TSPAN4: variants seen among roughly 807,000 people sequenced by gnomAD.
TSPAN4 encodes tetraspanin-4.
TSPAN4 carries 38 observed loss-of-function variants against 31.5 expected under a neutral mutation model. The ratio of observed to expected loss-of-function variants is 1.21; its 90% CI spans 0.93 to 1.58. The LOEUF (loss-of-function observed/expected upper bound fraction) is 1.58, where lower values mean the gene tolerates loss of function less well. TSPAN4 is among the 40% of genes most tolerant of loss of function. The pLI, the probability that TSPAN4 is intolerant of heterozygous loss-of-function variation, is 0.00. For synonymous variants in TSPAN4, 186 were observed against 144.6 expected (o/e 1.29, Z -2.06); for missense variants, 330 against 317.3 (o/e 1.04, Z -0.30).
chr11:852,884 G>A (rs1235450882), intron 3 of TSPAN4, among the ~76,000 whole-genome samples: 8 of 102,966 alleles, frequency 7.8e-5, no homozygotes, highest in South Asian at 3.1e-4. Flanking sequence ...CAAGATCCCC[G>A]CGTGTGTCTG....
rs527503242 is a variant in TSPAN4 at position 860,447 on chromosome 11, T to C, written c.64-2103T>C. On this transcript the variant is annotated intron_variant, in intron 3 of 8. Transcript: ENST00000397397. ...AGCCTGGCGCTGGCTGATGCACTGC[T>C]CAGGGAGGGGCAGGTGAGCGTGCAC... 5.9e-5 allele frequency among the ~76,000 whole-genome samples: 9 copies of C among 152,244 alleles called. No homozygotes were observed. The South Asian group carries it at 1.5e-3, about 25-fold the overall frequency.
intron 8 of TSPAN4, 71 bp from the exon 9 acceptor site, chr11:866,491 C>T (rs539386196): frequency 1.8e-4 from 261 of 1,471,094 alleles, no homozygotes; most frequent in Non-Finnish European, 2.4e-4. Context: ...CTGCTGAGGA[C>T]AGGGACTGCT....
intron 2 of TSPAN4, 56 bp from the exon 3 acceptor site, chr11:850,232 C>A: frequency 6.9e-7 from 1 of 1,445,778 alleles, no homozygotes; most frequent in Non-Finnish European, 9.5e-7. Context: ...ACACGTCGCC[C>A]AAGGGCAACA....
At chr11:862,514 C>T (rs1343940482) in intron 3 of TSPAN4, 36 bp from the exon 4 acceptor site, 14 of 1,562,284 alleles carry the variant, frequency 9.0e-6, no homozygotes, top group Non-Finnish European at 9.5e-6. Context: ...ATTGGGGCCT[C>T]ACCCTGTCTG....
In TSPAN4 at chr11:850,917, C is replaced by A. The variant is rs528694897; in HGVS notation, c.63+550C>A. Among the ~76,000 whole-genome samples, 15 of 152,378 alleles carry A rather than the reference C, an allele frequency of 9.8e-5. 1 individual carries two copies. In the South Asian group the frequency reaches 3.1e-3, roughly 32 times the overall value. On this transcript the variant is annotated intron_variant, in intron 3 of 8. Transcript: ENST00000397397. Reference sequence around the variant, plus strand: ...CCGGGAGGCGCTGCGGAAGGGAATCCTGGACACTGAGCAGGGCCGTGGGCC... The same window carrying A: ...CCGGGAGGCGCTGCGGAAGGGAATCATGGACACTGAGCAGGGCCGTGGGCC...
intron 2 of TSPAN4, 114 bp from the exon 3 acceptor site, chr11:850,174 T>C (rs1847585006): frequency 5.8e-6 from 5 of 859,244 alleles, no homozygotes; most frequent in Non-Finnish European, 8.7e-6. Flanking sequence ...GGGGGCTCCT[T>C]CTTCGGCCTG....
At chr11:858,878 C>A (rs1277710559) in intron 3 of TSPAN4, among the ~76,000 whole-genome samples, 7 of 141,900 alleles carry the variant, frequency 4.9e-5, no homozygotes, top group Non-Finnish European at 7.7e-5. Context: ...CTCCCATGCA[C>A]CCCTGGGTCA....
chr11:850,890 C>T (rs755656924), intron 3 of TSPAN4, among the ~76,000 whole-genome samples: 1 of 149,360 alleles, frequency 6.7e-6, no homozygotes. Context: ...GTCCCCCAGT[C>T]GCCGGGAGGC....
At chr11:851,361 G>A (rs974201270) in intron 3 of TSPAN4, among the ~76,000 whole-genome samples, 13 of 152,196 alleles carry the variant, frequency 8.5e-5, no homozygotes, top group African/African-American at 3.1e-4. Context: ...GGAGTCGGGG[G>A]TGTGGCCTCA....
At chr11:846,184 T>TGGGCC (rs1847314359) in intron 1 of TSPAN4, among the ~76,000 whole-genome samples, 1 of 152,208 alleles carries the variant, frequency 6.6e-6, no homozygotes, top group Admixed American at 6.5e-5. Context: ...AGGTCTGGGC[T>TGGGCC]GGGCCAGGAC....
rs1847433565 is a variant in TSPAN4 at position 848,332 on chromosome 11, C to T, written c.-18+1032C>T. On this transcript the variant is annotated intron_variant, in intron 2 of 8. Coordinates refer to ENST00000397397, the MANE Select transcript of TSPAN4 (RefSeq NM_003271.5). This position sits in a 1 kb window ranked among gnomAD's most constrained non-coding sequence, Gnocchi z 5.7. The stretch of plus-strand genomic sequence containing the variant: ...AGGACAGGGTAGGGGCCATGGGAAG[C>T]CCCAGGATGGCCTTGTGGGCCTTCA... Among the ~76,000 whole-genome samples, 1 of 152,232 alleles carries T rather than the reference C, an allele frequency of 6.6e-6. No homozygotes were observed. Among genetic ancestry groups the T allele is most frequent in the South Asian group, 2.1e-4 (1 of 4,836 alleles).
chr11:856,940 C>T (rs1294024606), intron 3 of TSPAN4: 1 of 152,266 alleles, frequency 6.6e-6, no homozygotes, highest in East Asian at 1.9e-4. Flanking sequence ...GGTCTGCCAG[C>T]ACGCTGGGGC....
intron 2 of TSPAN4, chr11:849,816 CG>C (rs1847538222): frequency 2.4e-5 from 3 of 127,290 alleles, no homozygotes; most frequent in Non-Finnish European, 5.1e-5. Flanking sequence ...GCGGGGCGCG[CG>C]GGGTCGGGGG....
intron 4 of TSPAN4, chr11:863,292 G>A (rs569984212): frequency 3.9e-5 from 6 of 152,446 alleles, no homozygotes; most frequent in Admixed American, 3.3e-4. Flanking sequence ...GCTCCTAGAT[G>A]GAAACACAGG....
intron 5 of TSPAN4, 168 bp downstream of exon 5, chr11:864,679 C>A: frequency 3.8e-6 from 3 of 789,460 alleles, no homozygotes; most frequent in South Asian, 1.6e-5. Flanking sequence ...CGCCAGCGAC[C>A]CTGGGAGGCT....
intron 3 of TSPAN4, among the ~76,000 whole-genome samples, chr11:853,100 C>T (rs1358409210): frequency 1.4e-5 from 2 of 147,624 alleles, no homozygotes; most frequent in Admixed American, 1.4e-4. Context: ...GGTACAGGTG[C>T]GGCCAGGGCA....
In TSPAN4 at chr11:842,931, G is replaced by C. The variant is rs28538261; in HGVS notation, c.-118+16G>C. The stretch of plus-strand genomic sequence containing the variant: ...GGCGGCGCAGGTACTGCGCCTGGGG[G>C]TTGTGGGGGCGTGCGGCCAGGGTCC... On this transcript the variant is annotated intron_variant, in intron 1 of 8. Coordinates refer to ENST00000397397, the MANE Select transcript of TSPAN4 (RefSeq NM_003271.5). 0.99 allele frequency: 154,213 copies of C among 155,804 alleles called. 76,337 individuals carry two copies. The highest frequency in any genetic ancestry group is 1 in the Middle Eastern group (326 of 326). 9.7% of individuals were successfully genotyped at this position (155,804 alleles called of 1,614,324 possible). A position where few individuals can be genotyped will look rare whatever the true frequency, so the allele number is the denominator to read the frequency against.
At position 850,381 on chromosome 11, in the gene TSPAN4, C is replaced by T; in HGVS notation, c.63+14C>T. ...CTGCTCTTCTGGGTGAGTCCGGGGGCCGGGGTGGGGGCCCGGGAAAGACCC... is the reference window on the plus strand; with the variant it reads ...CTGCTCTTCTGGGTGAGTCCGGGGGTCGGGGTGGGGGCCCGGGAAAGACCC... On this transcript the variant is annotated intron_variant, in intron 3 of 8. Transcript: ENST00000397397. 3 of 1,596,908 alleles carry T rather than the reference C, an allele frequency of 1.9e-6. No homozygotes were observed. The highest frequency in any genetic ancestry group is 2.5e-6 in the Non-Finnish European group (3 of 1,177,028).
chr11:862,103 G>A (rs913222870), intron 3 of TSPAN4, among the ~76,000 whole-genome samples: 1 of 152,210 alleles, frequency 6.6e-6, no homozygotes, highest in African/African-American at 2.4e-5. Flanking sequence ...GGCAGGGCTG[G>A]GTCTCCCTGA....
Sources: allele counts gnomAD v4.1 joint callset (sites outside exome capture counted in the v4.1 genomes callset), GRCh38; gene constraint gnomAD v4.1.1; non-coding constraint Gnocchi (gnomAD v3.1); transcripts MANE v1.5; gene names NCBI Gene and HGNC (gene_info 2026-07-23, HGNC 2026-07-21).